IFT122: variants seen among roughly 807,000 people sequenced by gnomAD.
IFT122 encodes intraflagellar transport 122.
Under a neutral mutation model 161.6 loss-of-function variants are expected in IFT122, and 118 were observed. The observed-to-expected ratio is 0.73, with a 90% CI of 0.63 to 0.85. The LOEUF is 0.85. Among genes scored for constraint, IFT122 ranks in the 40% least tolerant of loss-of-function variants. The probability of loss-of-function intolerance (pLI) is 0.00; values close to 1 mark genes in which losing one functional copy is unlikely to be tolerated. For synonymous variants in IFT122, 550 were observed against 602.4 expected (o/e 0.91, Z 1.27); for missense variants, 1,381 against 1,579.6 (o/e 0.87, Z 2.13).
chr3:129,507,170 G>A (rs995003333), intron 22 of IFT122, among the ~76,000 whole-genome samples: 1 of 152,224 alleles, frequency 6.6e-6, no homozygotes, highest in African/African-American at 2.4e-5. Context: ...TGGTTGCTGG[G>A]AGCCTCACAG....
chr3:129,502,070 A>G (rs2081619822), intron 19 of IFT122, among the ~76,000 whole-genome samples: 1 of 152,190 alleles, frequency 6.6e-6, no homozygotes, highest in Non-Finnish European at 1.5e-5. Flanking sequence ...ACCATGGGGA[A>G]GCAGTGGTGA....
At chr3:129,464,235 T>C (rs1473701342) in intron 6 of IFT122, among the ~76,000 whole-genome samples, 1 of 152,212 alleles carries the variant, frequency 6.6e-6, no homozygotes, top group Non-Finnish European at 1.5e-5. Context: ...TTGAGCACCT[T>C]CTACAAAGCA....
chr3:129,515,377 C>T (rs1245256180), intron 25 of IFT122, 111 bp from the exon 26 acceptor site: 19 of 870,070 alleles, frequency 2.2e-5, no homozygotes, highest in African/African-American at 5.2e-5. Flanking sequence ...CCTGCCCACC[C>T]GGGTGGCCTT....
chr3:129,512,309 C>T lies in IFT122; in HGVS notation c.2887-3C>T, dbSNP rs773452716. 8 of 1,609,478 alleles carry T rather than the reference C, an allele frequency of 5.0e-6. No individual in the cohort carries two copies. In the Admixed American group the frequency reaches 1.0e-4, roughly 20 times the overall value. On this transcript the variant is annotated splice_region_variant and splice_polypyrimidine_tract_variant and intron_variant, in intron 23 of 29. Coordinates refer to ENST00000348417, the MANE Select transcript of IFT122 (RefSeq NM_052989.3). ...ATCCCTGTTTGCTTTTCTCTCACTG[C>T]AGGAAGATCCGTTCAGTGTCCATCG...
rs945302501 is a variant in IFT122, at chr3:129,461,247, T to C, written c.292T>C (p.Cys98Arg). Residue 98 changes from cysteine to arginine, a missense_variant, in exon 5 of 30, where the codon TGT becomes CGT. By Grantham distance (180) the Cys-to-Arg change is radical. This residue lies in a region of IFT122 where 134 missense variants were observed against 137.4 expected (regional missense o/e 0.98). Transcript: ENST00000348417. ...LKYTHNDAIQ[C>R]VSYNPITHQL... The stretch of plus-strand genomic sequence containing the variant: ...TCCCAGGCACAATGATGCTATACAA[T>C]GTGTCTCCTACAATCCTATTACTCA... 1 of 1,613,486 alleles carries C rather than the reference T, an allele frequency of 6.2e-7. No individual in the cohort carries two copies.
intron 1 of IFT122, among the ~76,000 whole-genome samples, chr3:129,442,028 T>C (rs1035299052): frequency 2.6e-5 from 4 of 152,158 alleles, no homozygotes; most frequent in African/African-American, 9.7e-5. Context: ...TCTTCCTGTT[T>C]TTACCAGAAG....
chr3:129,456,921 A>G (rs1049659758), intron 3 of IFT122, among the ~76,000 whole-genome samples: 4 of 152,194 alleles, frequency 2.6e-5, no homozygotes, highest in Non-Finnish European at 4.4e-5. Context: ...GTCTCAAAAA[A>G]AAGGTACTTT....
At chr3:129,453,515 T>C (rs1577258162) in intron 3 of IFT122, among the ~76,000 whole-genome samples, 1 of 152,282 alleles carries the variant, frequency 6.6e-6, no homozygotes, top group African/African-American at 2.4e-5. Flanking sequence ...ATTGTGTCTT[T>C]TTCTCCAGCG....
intron 19 of IFT122, among the ~76,000 whole-genome samples, chr3:129,502,029 CAT>C (rs904114636): frequency 7.9e-5 from 12 of 152,324 alleles, no homozygotes; most frequent in African/African-American, 2.9e-4. Flanking sequence ...ATCCAGGCCT[CAT>C]GTCCCCATGA....
At chr3:129,505,370 A>G (rs1414614027) in intron 21 of IFT122, among the ~76,000 whole-genome samples, 1 of 152,248 alleles carries the variant, frequency 6.6e-6, no homozygotes, top group Non-Finnish European at 1.5e-5. Context: ...ACATTGCAGA[A>G]CAAATGTCTC....
intron 23 of IFT122, among the ~76,000 whole-genome samples, chr3:129,510,681 C>T (rs1202500600): frequency 3.3e-5 from 5 of 152,206 alleles, no homozygotes; most frequent in Non-Finnish European, 7.3e-5. Flanking sequence ...GCTCCTGTCT[C>T]TAACAGCTGA....
chr3:129,519,705 C>T lies in IFT122; in HGVS notation c.3609C>T (p.Ser1203=), dbSNP rs774915380. 3.7e-6 allele frequency: 6 copies of T among 1,613,812 alleles called. No homozygotes were observed. Among genetic ancestry groups the T allele is most frequent in the Non-Finnish European group, 2.5e-6 (3 of 1,180,024 alleles). The part of the protein sequence containing the change: ...QYFRSLLPDA[S]ITMCPSCFQM... ...TCCGCTCACTGCTGCCTGACGCCTC[C>T]ATTACCATGTGCCCCTCCTGCTTCC... The change falls in exon 29 of 30, where the codon TCC becomes TCT. Residue 1203 remains serine, a synonymous_variant. Coordinates refer to ENST00000348417, the MANE Select transcript of IFT122 (RefSeq NM_052989.3).
In IFT122 at chr3:129,476,408, G is replaced by A; in HGVS notation, c.910G>A (p.Val304Ile). The change falls in exon 10 of 30, where the codon GTA (valine) becomes ATA (isoleucine). Residue 304 changes from valine to isoleucine, a missense_variant. Physicochemically the swap from Val to Ile is conservative, Grantham distance 29. This residue lies in a region of IFT122 where 544 missense variants were observed against 648.0 expected (regional missense o/e 0.84). Coordinates refer to ENST00000348417, the MANE Select transcript of IFT122 (RefSeq NM_052989.3). ...YILLGGSDKQ[V>I]SLFTKDGVRL... ...TTTGCTGGGGGGTTCAGACAAGCAA[G>A]TATCTCTTTTCACCAAGGATGGAGT... 1 of 1,614,066 alleles carries A rather than the reference G, an allele frequency of 6.2e-7. No homozygotes were observed. Among genetic ancestry groups the A allele is most frequent in the Non-Finnish European group, 8.5e-7 (1 of 1,180,054 alleles).
intron 18 of IFT122, among the ~76,000 whole-genome samples, chr3:129,499,403 T>C (rs2081267457): frequency 6.9e-6 from 1 of 144,356 alleles, no homozygotes; most frequent in Non-Finnish European, 1.5e-5. Context: ...GGGGAACCCA[T>C]GCTCAGCCTC....
chr3:129,481,859 G>T (rs1044800585), intron 14 of IFT122, among the ~76,000 whole-genome samples, 165 bp downstream of exon 14: 1 of 152,202 alleles, frequency 6.6e-6, no homozygotes, highest in Admixed American at 6.5e-5. Context: ...GCCACAACCT[G>T]CTCCTCCCAC....
Position 129,481,695 on chromosome 3 carries a change from G to A in IFT122, c.1653+1G>A, listed in dbSNP as rs1485252243. The A allele has an allele frequency of 6.2e-7, 1 of 1,613,876 alleles. No individual in the cohort carries two copies. Among genetic ancestry groups the A allele is most frequent in the Non-Finnish European group, 8.5e-7 (1 of 1,179,902 alleles). On this transcript the variant is annotated splice_donor_variant, in intron 14 of 29. Transcript: ENST00000348417. LOFTEE classifies it high-confidence loss of function. The stretch of plus-strand genomic sequence containing the variant: ...CGACACCAAGGAGCTGCTTTTTCAG[G>A]TGAAGTCCCTGAGGGGGCCCAGGGA...
rs73204231 is a variant in IFT122, at chr3:129,495,526, C to T, written c.2127C>T (p.Ala709=). 4.7e-5 allele frequency: 76 copies of T among 1,613,992 alleles called. No individual in the cohort carries two copies. The highest frequency in any genetic ancestry group is 6.0e-5 in the Non-Finnish European group (71 of 1,180,036). The change falls in exon 18 of 30, where the codon GCC becomes GCT. Residue 709 remains alanine (A), a synonymous_variant. Transcript: ENST00000348417. ...VFSYQGKFHE[A]AKLYKRSGHE... is the part of the protein sequence containing the mutation. ...CCTACCAGGGGAAGTTCCATGAGGC[C>T]GCCAAACTGTACAAGAGGAGTGGGC...
chr3:129,493,053 A>G (rs1381962202), intron 17 of IFT122, among the ~76,000 whole-genome samples: 1 of 152,056 alleles, frequency 6.6e-6, no homozygotes, highest in Non-Finnish European at 1.5e-5. Context: ...CGTGGGCTCA[A>G]GCTATTAGCC....
At chr3:129,494,403 A>G (rs1349528486) in intron 17 of IFT122, among the ~76,000 whole-genome samples, 1 of 152,122 alleles carries the variant, frequency 6.6e-6, no homozygotes, top group Non-Finnish European at 1.5e-5. Context: ...ATTAGGAGTT[A>G]GTTTGTTTGA....
Sources: gnomAD v4.1 joint callset for allele counts (sites outside exome capture counted in the v4.1 genomes callset) on GRCh38, gnomAD v4.1.1 for gene constraint, gnomAD v4.1.1 regional missense constraint, MANE v1.5 for transcripts, NCBI Gene and HGNC (gene_info 2026-07-23, HGNC 2026-07-21) for gene names.